Variants in TANC2 observed in about 807,000 individuals in gnomAD.
TANC2 encodes the protein protein TANC2.
TANC2 carries 26 observed loss-of-function variants against 210.5 expected under a neutral mutation model. That is an observed-to-expected ratio of 0.12 (90% CI 0.09 to 0.17). TANC2 has a LOEUF of 0.17. Among genes scored for constraint, TANC2 ranks in the 10% least tolerant of loss-of-function variants. TANC2 has a pLI of 1.00. For synonymous variants in TANC2, 931 were observed against 967.1 expected (o/e 0.96, Z 0.69); for missense variants, 2,129 against 2,608.9 (o/e 0.82, Z 4.01).
At chr17:63,030,922 A>G (rs2034742949) in intron 2 of TANC2, among the ~76,000 whole-genome samples, 1 of 152,122 alleles carries the variant, frequency 6.6e-6, no homozygotes, top group South Asian at 2.1e-4. Context: ...AGACAAGACC[A>G]CCTTAAGTTT....
intron 8 of TANC2, among the ~76,000 whole-genome samples, chr17:63,245,574 G>A (rs1188627223): frequency 6.6e-6 from 1 of 152,142 alleles, no homozygotes; most frequent in Non-Finnish European, 1.5e-5. Context: ...CAGGTGCAGT[G>A]GCTGACACCT....
intron 4 of TANC2, among the ~76,000 whole-genome samples, chr17:63,135,088 C>T (rs769486967): frequency 8.6e-5 from 13 of 152,018 alleles, no homozygotes; most frequent in African/African-American, 2.2e-4. Flanking sequence ...TGGTAGCATG[C>T]GCCTGTGGTC....
At chr17:63,190,210 C>T (rs945117030) in intron 5 of TANC2, among the ~76,000 whole-genome samples, 1 of 152,056 alleles carries the variant, frequency 6.6e-6, no homozygotes, top group East Asian at 1.9e-4. Flanking sequence ...CATGGCAGTG[C>T]ATACCTGTAG....
chr17:63,107,605 G>C (rs922042961), intron 4 of TANC2, among the ~76,000 whole-genome samples: 1 of 151,550 alleles, frequency 6.6e-6, no homozygotes, highest in Non-Finnish European at 1.5e-5. Flanking sequence ...CTGATGAGTG[G>C]ATAAATAAAA....
At chr17:63,290,501 A>C (rs1034709691) in intron 9 of TANC2, among the ~76,000 whole-genome samples, 1 of 152,136 alleles carries the variant, frequency 6.6e-6, no homozygotes, top group Non-Finnish European at 1.5e-5. Flanking sequence ...AGCTCCTTAC[A>C]TGTGAAACTG....
Position 63,411,981 on chromosome 17 carries a change from C to T in TANC2, c.3766-17C>T, listed in dbSNP as rs776910682. The stretch of plus-strand genomic sequence containing the variant: ...CATTACGCCTGTCCTAACTTCTCTG[C>T]TTGATCCGTGTCCTAGGTCCAGTTC... On this transcript the variant is annotated splice_polypyrimidine_tract_variant and intron_variant, in intron 22 of 27. Transcript: ENST00000689528. 8 of 1,613,546 alleles carry T rather than the reference C, an allele frequency of 5.0e-6. No homozygotes were observed. The highest frequency in any genetic ancestry group is 4.5e-5 in the East Asian group (2 of 44,868).
intron 5 of TANC2, among the ~76,000 whole-genome samples, chr17:63,158,971 A>G (rs1166465132): frequency 6.6e-6 from 1 of 152,226 alleles, no homozygotes; most frequent in Non-Finnish European, 1.5e-5. Flanking sequence ...GTTTTCACCC[A>G]AAGGCCACCC....
intron 9 of TANC2, among the ~76,000 whole-genome samples, chr17:63,275,837 A>G (rs1217525914): frequency 3.9e-5 from 6 of 152,162 alleles, no homozygotes; most frequent in Non-Finnish European, 8.8e-5. Flanking sequence ...GTGAAGTAAC[A>G]TGAACAAAAC....
At chr17:63,210,683 T>C (rs1191810216) in intron 7 of TANC2, among the ~76,000 whole-genome samples, 1 of 152,218 alleles carries the variant, frequency 6.6e-6, no homozygotes, top group Non-Finnish European at 1.5e-5. Flanking sequence ...AACCTTTTTT[T>C]CTATCCTCTG....
rs180817054 is a variant in TANC2, at chr17:63,025,357, G to A, written c.67+15731G>A. ...AGTTTCATAATGTCTTCCGGTTGTG[G>A]ACGCCTTCTTCATTTTTACTATCTT... On this transcript the variant is annotated intron_variant, in intron 2 of 27. Coordinates refer to ENST00000689528, the Ensembl canonical transcript of TANC2. Among the ~76,000 whole-genome samples, 724 of 152,306 alleles carry A rather than the reference G, an allele frequency of 4.8e-3. 1 individual carries two copies. Among genetic ancestry groups the A allele is most frequent in the Non-Finnish European group, 7.8e-3 (534 of 68,032 alleles).
At chr17:63,387,279 C>T (rs1201382581) in intron 15 of TANC2, among the ~76,000 whole-genome samples, 1 of 152,136 alleles carries the variant, frequency 6.6e-6, no homozygotes, top group African/African-American at 2.4e-5. Flanking sequence ...CTAGCCTTCC[C>T]ACAGCATTAT....
intron 7 of TANC2, among the ~76,000 whole-genome samples, chr17:63,224,124 T>TA (rs2042266520): frequency 1.3e-5 from 2 of 152,108 alleles, no homozygotes; most frequent in Admixed American, 1.3e-4. Flanking sequence ...AGCCTCTTTT[T>TA]AAAAAATAAA....
chr17:63,267,487 G>A (rs550250169), intron 8 of TANC2, among the ~76,000 whole-genome samples: 12 of 152,200 alleles, frequency 7.9e-5, no homozygotes, highest in African/African-American at 2.4e-4. Context: ...CTCTGTTTAA[G>A]GTTATAGAAC....
chr17:63,179,600 A>G (rs1012981026), intron 5 of TANC2, among the ~76,000 whole-genome samples: 21 of 152,206 alleles, frequency 1.4e-4, no homozygotes, highest in African/African-American at 5.1e-4. Flanking sequence ...AAATAATATT[A>G]AATATGCTGC....
intron 3 of TANC2, among the ~76,000 whole-genome samples, chr17:63,091,825 T>C (rs907041737): frequency 1.3e-5 from 2 of 152,222 alleles, no homozygotes; most frequent in African/African-American, 4.8e-5. Flanking sequence ...TTCACAATAT[T>C]GATTCTTCCT....
intron 8 of TANC2, among the ~76,000 whole-genome samples, chr17:63,259,770 T>G (rs186741324): frequency 7.9e-5 from 12 of 152,360 alleles, no homozygotes; most frequent in African/African-American, 2.4e-4. Context: ...CTGTTAAGAT[T>G]TTATTTGAAT....
intron 5 of TANC2, among the ~76,000 whole-genome samples, chr17:63,170,071 A>G (rs1267386716): frequency 6.7e-6 from 1 of 150,342 alleles, no homozygotes; most frequent in Non-Finnish European, 1.5e-5. Context: ...GTGAGCGGAG[A>G]TCGCGCCACT....
chr17:63,207,142 A>G (rs2041740709), intron 7 of TANC2, among the ~76,000 whole-genome samples: 1 of 144,526 alleles, frequency 6.9e-6, no homozygotes, highest in Non-Finnish European at 1.5e-5. Flanking sequence ...TAAATAATTT[A>G]TTATTTAGAT....
intron 1 of TANC2, among the ~76,000 whole-genome samples, chr17:63,006,150 G>A (rs1017089004): frequency 6.6e-6 from 1 of 151,728 alleles, no homozygotes; most frequent in Non-Finnish European, 1.5e-5. Flanking sequence ...TCTGATATTG[G>A]TGATTTCTTT....
Sources: gnomAD v4.1 joint callset for allele counts (sites outside exome capture counted in the v4.1 genomes callset) on GRCh38, gnomAD v4.1.1 for gene constraint, MANE v1.5 for transcripts, NCBI Gene and HGNC (gene_info 2026-07-23, HGNC 2026-07-21) for gene names.